Variants in ANKRD12 observed in about 807,000 individuals in gnomAD.
ANKRD12 encodes the protein ankyrin repeat domain-containing protein 12.
ANKRD12 carries 85 observed loss-of-function variants against 183.4 expected under a neutral mutation model. The ratio of observed to expected loss-of-function variants is 0.46; its 90% CI spans 0.39 to 0.56. ANKRD12 has a LOEUF of 0.56. ANKRD12 is among the 20% of genes least tolerant of loss of function. The pLI is 0.00. For synonymous variants in ANKRD12, 914 were observed against 800.2 expected, an observed-to-expected ratio of 1.14 and a Z score of -2.40; for missense variants, 2,405 against 2,357.1, an observed-to-expected ratio of 1.02 and a Z score of -0.42.
intron 10 of ANKRD12, among the ~76,000 whole-genome samples, chr18:9,270,917 A>T (rs1368400952): frequency 6.6e-6 from 1 of 152,168 alleles, no homozygotes; most frequent in Admixed American, 6.5e-5. Flanking sequence ...AGAACAAACA[A>T]CTTTACCGTG....
chr18:9,148,979 A>C (rs2078587104), intron 1 of ANKRD12, among the ~76,000 whole-genome samples: 1 of 152,058 alleles, frequency 6.6e-6, no homozygotes, highest in African/African-American at 2.4e-5. Context: ...GTGTGTGGGC[A>C]TGTGTGTACA....
chr18:9,274,290 C>G (rs559594690), intron 10 of ANKRD12, among the ~76,000 whole-genome samples: 1 of 152,134 alleles, frequency 6.6e-6, no homozygotes. Context: ...CCTTCAAGCC[C>G]AAATGTCTAT....
chr18:9,145,822 G>A (rs1175927556), intron 1 of ANKRD12, among the ~76,000 whole-genome samples: 1 of 152,146 alleles, frequency 6.6e-6, no homozygotes, highest in Non-Finnish European at 1.5e-5. Flanking sequence ...TAAATAGGAG[G>A]TAACTATTTA....
chr18:9,234,294 A>G lies in ANKRD12; in HGVS notation c.943+12295A>G, dbSNP rs533407483. On this transcript the variant is annotated intron_variant, in intron 8 of 12. Transcript: ENST00000262126. ...TGTTTGGAGCGGCAGAAGGGATCCCACTCTACATGTGAGCCCAGGCACAGA... is the reference window on the plus strand; with the variant it reads ...TGTTTGGAGCGGCAGAAGGGATCCCGCTCTACATGTGAGCCCAGGCACAGA... Among the ~76,000 whole-genome samples, 57 of 151,952 alleles carry G rather than the reference A, an allele frequency of 3.8e-4. 2 individuals carry two copies. In the South Asian group the frequency reaches 0.011, roughly 30 times the overall value.
rs1021039720 is a variant in ANKRD12, at chr18:9,283,477, A to C, written c.*2351A>C. ...AATGCCTTCTCATTGGAAATGTATA[A>C]TCAAATAAGTAGTTAAGGGCTTTTG... On this transcript the variant is annotated 3_prime_UTR_variant, in exon 13 of 13. Transcript: ENST00000262126. 1.3e-5 allele frequency: 2 copies of C among 152,326 alleles called. No individual in the cohort carries two copies. The highest frequency in any genetic ancestry group is 2.4e-5 in the African/African-American group (1 of 41,466). The allele number at this position is 152,326 out of a possible 1,614,324, so 9.4% of individuals were successfully genotyped here.
chr18:9,270,825 ATACATCT>A (rs1393328731), intron 10 of ANKRD12, among the ~76,000 whole-genome samples: 1 of 152,208 alleles, frequency 6.6e-6, no homozygotes, highest in Admixed American at 6.5e-5. Flanking sequence ...TAAAAAAATG[ATACATCT>A]TACTCGTATT....
intron 8 of ANKRD12, among the ~76,000 whole-genome samples, chr18:9,224,237 C>G (rs1443654865): frequency 6.6e-6 from 1 of 151,678 alleles, no homozygotes; most frequent in Admixed American, 6.6e-5. Context: ...GTATATAGAT[C>G]TTACCAAAAA....
At chr18:9,264,063 G>C (rs1054307069) in intron 10 of ANKRD12, among the ~76,000 whole-genome samples, 175 bp downstream of exon 10, 1 of 152,126 alleles carries the variant, frequency 6.6e-6, no homozygotes, top group Non-Finnish European at 1.5e-5. Context: ...TTTTAGGATA[G>C]CTGCTCCCAT....
intron 1 of ANKRD12, among the ~76,000 whole-genome samples, chr18:9,155,709 T>A (rs1057374818): frequency 6.6e-5 from 10 of 152,226 alleles, no homozygotes; most frequent in Admixed American, 3.9e-4. Flanking sequence ...TGCATACTTC[T>A]GTATGTTTAC....
chr18:9,194,484 G>A (rs2034652595), intron 2 of ANKRD12, among the ~76,000 whole-genome samples: 1 of 151,970 alleles, frequency 6.6e-6, no homozygotes, highest in Non-Finnish European at 1.5e-5. Context: ...AGCCTCCTGA[G>A]TAGTTAGGAT....
intron 2 of ANKRD12, among the ~76,000 whole-genome samples, chr18:9,186,906 C>T (rs1361266469): frequency 2.6e-5 from 4 of 151,840 alleles, no homozygotes; most frequent in Admixed American, 6.6e-5. Context: ...TGCCCGCCAC[C>T]GCACCTGGCT....
chr18:9,242,358 T>C (rs1567955923), intron 8 of ANKRD12, among the ~76,000 whole-genome samples: 1 of 152,062 alleles, frequency 6.6e-6, no homozygotes, highest in Non-Finnish European at 1.5e-5. Flanking sequence ...ATAATTATAG[T>C]AGTGAGATGT....
chr18:9,222,038 C>CAT, intron 8 of ANKRD12, 39 bp downstream of exon 8: 1 of 1,604,824 alleles, frequency 6.2e-7, no homozygotes, highest in Non-Finnish European at 8.5e-7. Flanking sequence ...GTTCGTTTGA[C>CAT]ATGATATTTG....
intron 4 of ANKRD12, among the ~76,000 whole-genome samples, chr18:9,206,333 T>G (rs2144574251): frequency 6.6e-6 from 1 of 152,192 alleles, no homozygotes; most frequent in South Asian, 2.1e-4. Context: ...TTTTAAGTAT[T>G]ATTTAATCAC....
chr18:9,138,524 CAAAA>C (rs1291359917), intron 1 of ANKRD12, among the ~76,000 whole-genome samples: 1 of 151,730 alleles, frequency 6.6e-6, no homozygotes, highest in African/African-American at 2.4e-5. Flanking sequence ...AAAAACATAC[CAAAA>C]CAAACAAACA....
Position 9,254,313 on chromosome 18 carries a change from C to T in ANKRD12, c.1046C>T (p.Pro349Leu). The T allele has an allele frequency of 6.2e-7, 1 of 1,612,510 alleles. No homozygotes were observed. Among genetic ancestry groups the T allele is most frequent in the South Asian group, 1.1e-5 (1 of 90,804 alleles). Residue 349 changes from proline (P) to leucine (L), a missense_variant, in exon 9 of 13, where the codon CCC becomes CTC. Pro to Leu is a moderately conservative substitution (Grantham distance 98). Around this residue, in one of 7 missense-constraint regions of ANKRD12, gnomAD observed 1,983 missense variants for 1,725.9 expected, o/e 1.15. Coordinates refer to ENST00000262126, the MANE Select transcript of ANKRD12 (RefSeq NM_015208.5). ...SLICESKQIL[P>L]SKTPLPSALD... ...ATCTGTGAAAGTAAACAGATACTTC[C>T]CAGTAAAACACCTCTTCCATCTGCC...
intron 1 of ANKRD12, among the ~76,000 whole-genome samples, chr18:9,151,020 G>A (rs1369265692): frequency 6.6e-6 from 1 of 152,080 alleles, no homozygotes; most frequent in Non-Finnish European, 1.5e-5. Flanking sequence ...GCTTTTTGTG[G>A]GAAAATGTTA....
chr18:9,281,122 T>C lies in ANKRD12; in HGVS notation c.6185T>C (p.Ile2062Thr), dbSNP rs1179489502. The change falls in exon 13 of 13, where the codon ATA (isoleucine) becomes ACA (threonine). Residue 2062 changes from isoleucine (I) to threonine (T), a missense_variant. Ile to Thr is a moderately conservative substitution (Grantham distance 89, BLOSUM62 -1). Transcript: ENST00000262126. ...AACGACGACTTTGAATTGACTCCTATATAGCAGTCAGTACTTCCTGATGGT... is the reference window on the plus strand; with the variant it reads ...AACGACGACTTTGAATTGACTCCTACATAGCAGTCAGTACTTCCTGATGGT... ...DVNDDFELTP[I>T] The C allele has an allele frequency of 6.2e-7, 1 of 1,612,736 alleles. No homozygotes were observed. The highest frequency in any genetic ancestry group is 8.5e-7 in the Non-Finnish European group (1 of 1,179,208).
chr18:9,198,392 T>C (rs1004996993), intron 3 of ANKRD12, among the ~76,000 whole-genome samples: 1 of 152,188 alleles, frequency 6.6e-6, no homozygotes, highest in African/African-American at 2.4e-5. Context: ...AAAATTGTTT[T>C]TGGTCTGAAT....
Sources: allele counts gnomAD v4.1 joint callset (sites outside exome capture counted in the v4.1 genomes callset), GRCh38; gene constraint gnomAD v4.1.1; regional missense constraint gnomAD v4.1.1; transcripts MANE v1.5; gene names NCBI Gene and HGNC (gene_info 2026-07-23, HGNC 2026-07-21).